The following OSBPL9 variants were observed in gnomAD, a reference collection of about 807,000 sequenced individuals.
OSBPL9 encodes the protein oxysterol binding protein like 9.
A neutral mutation model predicts 106.6 loss-of-function variants in OSBPL9; 40 were observed. The ratio of observed to expected loss-of-function variants is 0.38; its 90% CI spans 0.29 to 0.49. The LOEUF is 0.49. Among genes scored for constraint, OSBPL9 ranks in the 20% least tolerant of loss-of-function variants. OSBPL9 has a pLI of 0.97. For synonymous variants in OSBPL9, 269 were observed against 295.4 expected, an observed-to-expected ratio of 0.91 and a Z score of 0.92; for missense variants, 609 against 887.2, an observed-to-expected ratio of 0.69 and a Z score of 3.98.
At chr1:51,705,376 C>CATATATATATATATATATATATATATAT (rs202075577) in intron 3 of OSBPL9, among the ~76,000 whole-genome samples, 2 of 41,670 alleles carry the variant, frequency 4.8e-5, no homozygotes, top group Non-Finnish European at 7.9e-5. Context: ...TAGGGTGTTT[C>CATATATATATATATATATATATATATAT]ATATATATAT....
At chr1:51,742,860 T>C (rs566300597) in intron 4 of OSBPL9, among the ~76,000 whole-genome samples, 5 of 152,342 alleles carry the variant, frequency 3.3e-5, no homozygotes, top group African/African-American at 7.2e-5. Flanking sequence ...TAATGAAATA[T>C]TCTACATTAG....
At position 51,783,563 on chromosome 1, in the gene OSBPL9, C is replaced by T. The variant is rs753287504; in HGVS notation, c.1514-352C>T. Among the ~76,000 whole-genome samples, 55 of 152,022 alleles carry T rather than the reference C, an allele frequency of 3.6e-4. 1 individual carries two copies. Among genetic ancestry groups the T allele is most frequent in the Admixed American group, 1.3e-4 (2 of 15,268 alleles). Reference sequence around the variant, plus strand: ...GATATGGAGGGTCAACTGTACATACCCTCAACATCTGGTTTGTTTAGTGCA... The same window carrying T: ...GATATGGAGGGTCAACTGTACATACTCTCAACATCTGGTTTGTTTAGTGCA... On this transcript the variant is annotated intron_variant, in intron 17 of 23. Coordinates refer to ENST00000428468, the MANE Select transcript of OSBPL9 (RefSeq NM_024586.6).
intron 11 of OSBPL9, 94 bp from the exon 12 acceptor site, chr1:51,765,728 C>T (rs1672414218): frequency 8.2e-7 from 1 of 1,212,176 alleles, no homozygotes; most frequent in African/African-American, 1.7e-5. Context: ...TAACCAAACT[C>T]TTTTTTGATT....
the OSBPL9 span, among the ~76,000 whole-genome samples, chr1:51,526,244 T>C: frequency 6.6e-6 from 1 of 152,168 alleles, no homozygotes; most frequent in Non-Finnish European, 1.5e-5. Context: ...CAGGGACTTC[T>C]CATCAAGCAC....
At chr1:51,736,324 G>T (rs1467418824) in intron 4 of OSBPL9, among the ~76,000 whole-genome samples, 1 of 152,162 alleles carries the variant, frequency 6.6e-6, no homozygotes, top group East Asian at 1.9e-4. Flanking sequence ...GATATACGAA[G>T]ACAGCTTTGG....
rs952987979 is a variant in OSBPL9 at position 51,762,072 on chromosome 1, G to A, written c.778+101G>A. ...AGGGGGAAAGTTGAAGAAATGTGTT[G>A]TATATTTTCTGTTGGAGATATGTTA... On this transcript the variant is annotated intron_variant, in intron 11 of 23. Coordinates refer to ENST00000428468, the MANE Select transcript of OSBPL9 (RefSeq NM_024586.6). 8.8e-5 allele frequency: 70 copies of A among 793,496 alleles called. No individual in the cohort carries two copies. The Admixed American group carries it at 1.2e-3, about 14-fold the overall frequency. The allele number at this position is 793,496 out of a possible 1,614,324, so 49.2% of individuals were successfully genotyped here.
chr1:51,652,008 G>T lies in OSBPL9; in HGVS notation c.129G>T (p.Met43Ile). 6.2e-7 allele frequency: 1 copy of T among 1,609,364 alleles called. No individual in the cohort carries two copies. ...LSYYTSKDKM[M>I]RGSRRGCVRL... ...TCTTTTAGTCCAAGGACAAAATGAT[G>T]AGAGGCTCTCGCAGAGGATGTGTTA... The change falls in exon 2 of 24, where the codon ATG (methionine) becomes ATT (isoleucine). Residue 43 changes from methionine (M) to isoleucine (I), a missense_variant. Coordinates refer to ENST00000428468, the MANE Select transcript of OSBPL9 (RefSeq NM_024586.6).
chr1:51,526,847 C>T, the OSBPL9 span, among the ~76,000 whole-genome samples: 3 of 151,930 alleles, frequency 2.0e-5, no homozygotes, highest in South Asian at 2.1e-4. Context: ...CAGGTTCAAG[C>T]GATTCTCATG....
At chr1:51,627,612 G>T (rs1644845998) in intron 1 of OSBPL9, among the ~76,000 whole-genome samples, 1 of 151,994 alleles carries the variant, frequency 6.6e-6, no homozygotes, top group African/African-American at 2.4e-5. Context: ...GATAGTTTTG[G>T]CTATTCTGGA....
chr1:51,762,128 G>A (rs573734044), intron 11 of OSBPL9, among the ~76,000 whole-genome samples, 157 bp downstream of exon 11: 6 of 152,208 alleles, frequency 3.9e-5, no homozygotes, highest in Non-Finnish European at 8.8e-5. Flanking sequence ...TACATGAAGT[G>A]GTTAGCTTTG....
At chr1:51,786,015 T>G (rs577570094) in intron 21 of OSBPL9, 129 bp downstream of exon 21, 1 of 782,762 alleles carries the variant, frequency 1.3e-6, no homozygotes, top group East Asian at 2.7e-5. Flanking sequence ...GCTGGAACTT[T>G]AGGACAGCTC....
intron 4 of OSBPL9, among the ~76,000 whole-genome samples, chr1:51,737,545 GGTGTGTGTGTGTGTGTGT>G (rs57886494): frequency 7.0e-6 from 1 of 142,534 alleles, no homozygotes; most frequent in East Asian, 2.1e-4. Flanking sequence ...ATATTTCAGG[GGTGTGTGTGTGTGTGTGT>G]GTGTGTGTGT....
chr1:51,575,402 G>A (rs963858654), upstream of OSBPL9, among the ~76,000 whole-genome samples: 2 of 150,352 alleles, frequency 1.3e-5, no homozygotes, highest in South Asian at 2.1e-4. Context: ...GTAGAGATGC[G>A]GTTTCACCAT....
intron 21 of OSBPL9, 56 bp from the exon 22 acceptor site, chr1:51,786,470 A>C: frequency 8.4e-7 from 1 of 1,193,828 alleles, no homozygotes; most frequent in East Asian, 2.4e-5. Context: ...CAATGCATCT[A>C]ACATTAGGTT....
intron 1 of OSBPL9, 120 bp downstream of exon 1, chr1:51,617,341 C>A: frequency 1.0e-6 from 1 of 987,224 alleles, no homozygotes; most frequent in Non-Finnish European, 1.5e-6. Flanking sequence ...CCGCCGTACG[C>A]GAGGGTTCCC....
chr1:51,747,111 AGG>A (rs1024838616), intron 6 of OSBPL9, among the ~76,000 whole-genome samples: 26 of 152,190 alleles, frequency 1.7e-4, no homozygotes, highest in African/African-American at 6.0e-4. Context: ...CTGGGATTAC[AGG>A]CATGTGCCAC....
At chr1:51,530,183 A>AAAAAAAAAAAAAAAAAC in the OSBPL9 span, among the ~76,000 whole-genome samples, 1 of 107,206 alleles carries the variant, frequency 9.3e-6, no homozygotes, top group Non-Finnish European at 1.9e-5. Context: ...AAAAAAAAAA[A>AAAAAAAAAAAAAAAAAC]AAAAAAAAAC....
At chr1:51,770,574 G>C (rs1673651572) in intron 12 of OSBPL9, among the ~76,000 whole-genome samples, 1 of 152,124 alleles carries the variant, frequency 6.6e-6, no homozygotes, top group Non-Finnish European at 1.5e-5. Context: ...CATCATGCCT[G>C]GCCCCAGTTC....
intron 3 of OSBPL9, among the ~76,000 whole-genome samples, chr1:51,675,602 G>C (rs1180319870): frequency 6.6e-6 from 1 of 152,048 alleles, no homozygotes; most frequent in Non-Finnish European, 1.5e-5. Context: ...ATACTAGGGT[G>C]GAACTGCTAA....
Sources: allele counts gnomAD v4.1 joint callset (sites outside exome capture counted in the v4.1 genomes callset), GRCh38; gene constraint gnomAD v4.1.1; transcripts MANE v1.5; gene names NCBI Gene and HGNC (gene_info 2026-07-23, HGNC 2026-07-21).